TTC21A: variants seen among roughly 807,000 people sequenced by gnomAD.
TTC21A encodes the protein tetratricopeptide repeat domain 21A.
TTC21A carries 128 observed loss-of-function variants against 156.4 expected under a neutral mutation model. The ratio of observed to expected loss-of-function variants is 0.82; its 90% CI spans 0.71 to 0.95. The LOEUF (loss-of-function observed/expected upper bound fraction) is 0.95. Among genes scored for constraint, TTC21A ranks in the 40% least tolerant of loss-of-function variants. The pLI is 0.00. For missense variants in TTC21A, 1,435 were observed against 1,602.3 expected (o/e 0.90, Z 1.78); for synonymous variants, 587 against 617.1 (o/e 0.95, Z 0.72).
intron 3 of TTC21A, 174 bp downstream of exon 3, chr3:39,110,313 G>A (rs990038019): frequency 1.5e-5 from 10 of 673,112 alleles, no homozygotes; most frequent in Non-Finnish European, 2.7e-5. Context: ...AGGCCTGGGA[G>A]AAGACTCCAT....
chr3:39,138,866 G>A lies in TTC21A; in HGVS notation c.*78G>A. 8.3e-7 allele frequency: 1 copy of A among 1,201,324 alleles called. No individual in the cohort carries two copies. Among genetic ancestry groups the A allele is most frequent in the Non-Finnish European group, 1.2e-6 (1 of 831,316 alleles). 74.4% of individuals were successfully genotyped at this position (1,201,324 alleles called of 1,614,324 possible). A position where few individuals can be genotyped will look rare whatever the true frequency, so the allele number is the denominator to read the frequency against. Reference sequence around the variant, plus strand: ...TGGAGGGATGGAAAGTGGGTCAGTGGAGAAGGGATTCAGAAAATGACACAT... The same window carrying A: ...TGGAGGGATGGAAAGTGGGTCAGTGAAGAAGGGATTCAGAAAATGACACAT... On this transcript the variant is annotated 3_prime_UTR_variant, in exon 29 of 29. Transcript: ENST00000683103.
chr3:39,112,400 G>A, intron 4 of TTC21A, 58 bp from the exon 5 acceptor site: 5 of 1,587,734 alleles, frequency 3.1e-6, no homozygotes, highest in African/African-American at 1.3e-5. Context: ...TCATGTGCAG[G>A]CTGAGTTGAT....
At chr3:39,115,472 G>A (rs893188325) in intron 6 of TTC21A, among the ~76,000 whole-genome samples, 4 of 152,118 alleles carry the variant, frequency 2.6e-5, no homozygotes, top group Admixed American at 6.5e-5. Flanking sequence ...ACCAGCCTCG[G>A]CAACATAGTG....
In TTC21A at chr3:39,138,590, GA is replaced by G. The variant is rs773693484; in HGVS notation, c.3834del (p.Lys1278AsnfsTer34). 61 of 1,614,134 alleles carry G rather than the reference GA, an allele frequency of 3.8e-5. No homozygotes were observed. In the African/African-American group the frequency reaches 7.9e-4, roughly 21 times the overall value. On this transcript the variant is annotated frameshift_variant, in exon 28 of 29. Coordinates refer to ENST00000683103, the MANE Select transcript of TTC21A (RefSeq NM_001366900.1). LOFTEE classifies it high-confidence loss of function. ...TTGCTTTCAACTACCTGAAGGACAA[GA>G]AATTTGTGGAGGCCATTGAAATCTG... The part of the protein sequence containing the change: ...KLAFNYLKDK[K>X]FVEAIEICND...
At chr3:39,132,376 C>A (rs990162786) in intron 19 of TTC21A, among the ~76,000 whole-genome samples, 1 of 152,190 alleles carries the variant, frequency 6.6e-6, no homozygotes, top group Non-Finnish European at 1.5e-5. Context: ...GAGCCCCCGG[C>A]CATTCCTGTC....
In TTC21A at chr3:39,129,000, C is replaced by T. The variant is rs934618118; in HGVS notation, c.1896+68C>T. ...TGGAGGCTCAGGGTAGGCCCAGGAACCAGGTTCTTTGATTCCACCCACTGT... is the reference window on the plus strand; with the variant it reads ...TGGAGGCTCAGGGTAGGCCCAGGAATCAGGTTCTTTGATTCCACCCACTGT... On this transcript the variant is annotated intron_variant, in intron 14 of 28. Transcript: ENST00000683103. The T allele has an allele frequency of 3.1e-6, 5 of 1,606,140 alleles. No homozygotes were observed. In the African/African-American group the frequency reaches 6.7e-5, roughly 22 times the overall value.
At position 39,130,166 on chromosome 3, in the gene TTC21A, T is replaced by C. The variant is rs1271294299; in HGVS notation, c.2208+15T>C. The C allele has an allele frequency of 6.2e-7, 1 of 1,613,424 alleles. No homozygotes were observed. The highest frequency in any genetic ancestry group is 1.7e-5 in the Admixed American group (1 of 59,952). Reference sequence around the variant, plus strand: ...GCATTCTGGAGGTAAGTGAGAGGCCTCACAGCCTTGCCAAGTGGCCCCCCA... The same window carrying C: ...GCATTCTGGAGGTAAGTGAGAGGCCCCACAGCCTTGCCAAGTGGCCCCCCA... On this transcript the variant is annotated intron_variant, in intron 16 of 28. Transcript: ENST00000683103. This position sits in a 1 kb window ranked among gnomAD's most constrained non-coding sequence, Gnocchi z 4.5.
chr3:39,121,312 C>A, intron 9 of TTC21A, 123 bp downstream of exon 9: 1 of 803,470 alleles, frequency 1.2e-6, no homozygotes, highest in South Asian at 1.8e-5. Flanking sequence ...TTTTGGGGTA[C>A]AATGTATGAT....
rs201633965 is a variant in TTC21A at position 39,131,100 on chromosome 3, T to C, written c.2562+5T>C. On this transcript the variant is annotated splice_donor_5th_base_variant and intron_variant, in intron 19 of 28. Transcript: ENST00000683103. ...GTGATAGAAACTTTGAACAAGGTAATTGACAGGTGGACTCAAGCTCTTTAT... is the reference window on the plus strand; with the variant it reads ...GTGATAGAAACTTTGAACAAGGTAACTGACAGGTGGACTCAAGCTCTTTAT... 2.0e-5 allele frequency: 32 copies of C among 1,602,756 alleles called. No homozygotes were observed. The highest frequency in any genetic ancestry group is 2.7e-5 in the Non-Finnish European group (32 of 1,178,434).
In TTC21A at chr3:39,130,030, T is replaced by C. The variant is rs1278160875; in HGVS notation, c.2136-49T>C. 1 of 1,566,664 alleles carries C rather than the reference T, an allele frequency of 6.4e-7. No individual in the cohort carries two copies. The highest frequency in any genetic ancestry group is 8.8e-7 in the Non-Finnish European group (1 of 1,139,426). On this transcript the variant is annotated intron_variant, in intron 15 of 28. Coordinates refer to ENST00000683103, the MANE Select transcript of TTC21A (RefSeq NM_001366900.1). This position sits in a 1 kb window ranked among gnomAD's most constrained non-coding sequence, Gnocchi z 4.5. ...AGTGAAGGAGATGATTTCAGGAACA[T>C]GAGGTGTGTGCGAACCTGGGATAAG...
At chr3:39,132,554 CTGAT>C in intron 19 of TTC21A, among the ~76,000 whole-genome samples, 1 of 152,234 alleles carries the variant, frequency 6.6e-6, no homozygotes, top group Non-Finnish European at 1.5e-5. Context: ...GAGCCAAGTG[CTGAT>C]TCCTACCCAT....
chr3:39,114,708 C>T lies in TTC21A; in HGVS notation c.682C>T (p.Gln228Ter). ...VLKMQLFLAR[Q>*]DWEQTVEMGH... ...GAAGATGCAGCTGTTCTTAGCTCGG[C>T]AGGACTGGGAGCAGACAGTAGAAAT... The change falls in exon 6 of 29, where the codon CAG becomes TAG. Residue 228 changes from glutamine (Q) to a stop codon, truncating the protein, a stop_gained. Coordinates refer to ENST00000683103, the MANE Select transcript of TTC21A (RefSeq NM_001366900.1). LOFTEE classifies it high-confidence loss of function. 1 of 1,614,214 alleles carries T rather than the reference C, an allele frequency of 6.2e-7. No homozygotes were observed. The highest frequency in any genetic ancestry group is 8.5e-7 in the Non-Finnish European group (1 of 1,180,040).
At position 39,118,285 on chromosome 3, in the gene TTC21A, C is replaced by G. The variant is rs939505180; in HGVS notation, c.801+132C>G. 61 of 837,902 alleles carry G rather than the reference C, an allele frequency of 7.3e-5. No homozygotes were observed. The African/African-American group carries it at 1.0e-3, about 14-fold the overall frequency. The allele number at this position is 837,902 out of a possible 1,614,324, so 51.9% of individuals were successfully genotyped here. On this transcript the variant is annotated intron_variant, in intron 7 of 28. Transcript: ENST00000683103. The stretch of plus-strand genomic sequence containing the variant: ...TCAGCTTCCTCTTTTCTACCCCACC[C>G]CTATACTCGCTGCCAAGGAGGCCTG...
In TTC21A at chr3:39,110,842, G is replaced by T. The variant is rs114253553; in HGVS notation, c.269-9G>T. 7,430 of 1,613,624 alleles carry T rather than the reference G, an allele frequency of 4.6e-3. 291 individuals are homozygous for T. The African/African-American group carries it at 0.086, about 19-fold the overall frequency. On this transcript the variant is annotated splice_polypyrimidine_tract_variant and intron_variant, in intron 3 of 28. Transcript: ENST00000683103. ...AACTCTCCCTCTTCCTTCGCTCTTGGATTTACAGACCGAGAAGCAATTCAG... is the reference window on the plus strand; with the variant it reads ...AACTCTCCCTCTTCCTTCGCTCTTGTATTTACAGACCGAGAAGCAATTCAG...
rs544391319 is a variant in TTC21A, at chr3:39,117,137, A to G, written c.717-932A>G. Among the ~76,000 whole-genome samples the G allele has an allele frequency of 4.1e-3, 618 of 152,160 alleles. 1 individual carries two copies. Among genetic ancestry groups the G allele is most frequent in the Non-Finnish European group, 6.0e-3 (410 of 68,004 alleles). On this transcript the variant is annotated intron_variant, in intron 6 of 28. Coordinates refer to ENST00000683103, the MANE Select transcript of TTC21A (RefSeq NM_001366900.1). The stretch of plus-strand genomic sequence containing the variant: ...CAGTCTACACATTTGGATATGTAAT[A>G]TTTTTCCATATCATTTGGCTCCAAG...
Position 39,136,953 on chromosome 3 carries a change from C to G in TTC21A, c.3150C>G (p.Asp1050Glu), listed in dbSNP as rs2039157609. The G allele has an allele frequency of 6.2e-7, 1 of 1,614,120 alleles. No homozygotes were observed. Among genetic ancestry groups the G allele is most frequent in the Admixed American group, 1.7e-5 (1 of 60,012 alleles). Residue 1050 changes from aspartate (D) to glutamate (E), a missense_variant, in exon 24 of 29, where the codon GAC (aspartate) becomes GAG (glutamate). Asp to Glu is a conservative substitution (Grantham distance 45). Coordinates refer to ENST00000683103, the MANE Select transcript of TTC21A (RefSeq NM_001366900.1). The stretch of plus-strand genomic sequence containing the variant: ...AGTTCCTGAACAAGGCACGCAAGGA[C>G]AGCACTTGGGGCCAGAGCGCCATCT... The part of the protein sequence containing the change: ...ALKFLNKARK[D>E]STWGQSAIYH...
At chr3:39,109,013 C>G (rs2036543467) in intron 1 of TTC21A, 72 bp from the exon 2 acceptor site, 2 of 1,548,482 alleles carry the variant, frequency 1.3e-6, no homozygotes, top group Admixed American at 1.7e-5. Context: ...GGGAGCAGGT[C>G]TCATCCCATC....
In TTC21A at chr3:39,110,882, C is replaced by T; in HGVS notation, c.300C>T (p.Ser100=). 1 of 1,613,978 alleles carries T rather than the reference C, an allele frequency of 6.2e-7. No homozygotes were observed. The highest frequency in any genetic ancestry group is 8.5e-7 in the Non-Finnish European group (1 of 1,180,014). ...DREAIQELEY[S]LKEIRKTVSG... is the part of the protein sequence containing the mutation. Reference sequence around the variant, plus strand: ...AAGCAATTCAGGAGCTTGAGTACAGCCTGAAGGAAATACGCAAGACAGTCA... The same window carrying T: ...AAGCAATTCAGGAGCTTGAGTACAGTCTGAAGGAAATACGCAAGACAGTCA... Residue 100 remains serine (S), a synonymous_variant, in exon 4 of 29, where the codon AGC becomes AGT. Coordinates refer to ENST00000683103, the MANE Select transcript of TTC21A (RefSeq NM_001366900.1).
chr3:39,124,112 T>C (rs2038002607), intron 9 of TTC21A, among the ~76,000 whole-genome samples: 1 of 152,230 alleles, frequency 6.6e-6, no homozygotes, highest in Non-Finnish European at 1.5e-5. Context: ...ATTTTAAATA[T>C]ATGTGCTCTA....
Sources: gnomAD v4.1 joint callset for allele counts (sites outside exome capture counted in the v4.1 genomes callset) on GRCh38, gnomAD v4.1.1 for gene constraint, Gnocchi (gnomAD v3.1) non-coding constraint, MANE v1.5 for transcripts, NCBI Gene and HGNC (gene_info 2026-07-23, HGNC 2026-07-21) for gene names.